The following VPS52 variants were observed in gnomAD, a reference collection of about 807,000 sequenced individuals.
The protein encoded by VPS52 is VPS52 subunit of GARP complex.
Under a neutral mutation model 98.7 loss-of-function variants are expected in VPS52, and 56 were observed. The ratio of observed to expected loss-of-function variants is 0.57; its 90% confidence interval spans 0.46 to 0.71. The LOEUF (loss-of-function observed/expected upper bound fraction) is 0.71. VPS52 is among the 30% of genes least tolerant of loss of function. The pLI is 0.00. For missense variants in VPS52, 742 were observed against 925.9 expected (o/e 0.80, Z 2.58); for synonymous variants, 348 against 346.4 (o/e 1.00, Z -0.05).
At chr6:33,264,312 C>G (rs1183256892) in intron 14 of VPS52, 62 bp downstream of exon 14, 2 of 1,596,618 alleles carry the variant, frequency 1.3e-6, no homozygotes, top group Non-Finnish European at 1.7e-6. Context: ...TTGGCCAACC[C>G]CCACAATGAT....
chr6:33,267,134 C>T lies in VPS52; in HGVS notation c.1125+54G>A. ...GCTCTGCCCTGAGGTCTGGCCTTCCCTCCCCACCGTGCTCAGAGCCTCTTT... is the reference window on the plus strand; with the variant it reads ...GCTCTGCCCTGAGGTCTGGCCTTCCTTCCCCACCGTGCTCAGAGCCTCTTT... On this transcript the variant is annotated intron_variant, in intron 11 of 19. Coordinates refer to ENST00000445902, the MANE Select transcript of VPS52 (RefSeq NM_022553.6). This position sits in a 1 kb window ranked among gnomAD's most constrained non-coding sequence, Gnocchi z 4.2. 3 of 1,451,730 alleles carry T rather than the reference C, an allele frequency of 2.1e-6. No homozygotes were observed. The highest frequency in any genetic ancestry group is 3.4e-5 in the South Asian group (2 of 59,692). The allele number at this position is 1,451,730 out of a possible 1,614,324, so 89.9% of individuals were successfully genotyped here.
chr6:33,257,218 A>G (rs1391070103), intron 17 of VPS52, among the ~76,000 whole-genome samples: 2 of 151,940 alleles, frequency 1.3e-5, no homozygotes. Flanking sequence ...AATTTTTTGT[A>G]GAGATGAGGT....
chr6:33,257,473 A>G (rs900288080), intron 17 of VPS52, among the ~76,000 whole-genome samples: 5 of 151,680 alleles, frequency 3.3e-5, no homozygotes, highest in Admixed American at 6.6e-5. Flanking sequence ...ATCTTGGCTC[A>G]CTGCATCCTC....
Position 33,271,826 on chromosome 6 carries a change from A to T in VPS52, c.-151T>A. 1 of 1,432,452 alleles carries T rather than the reference A, an allele frequency of 7.0e-7. No individual in the cohort carries two copies. Among genetic ancestry groups the T allele is most frequent in the South Asian group, 1.5e-5 (1 of 67,922 alleles). 88.7% of individuals were successfully genotyped at this position (1,432,452 alleles called of 1,614,324 possible). Reference sequence around the variant, plus strand: ...ACTCCAGCTGTCCCCTTTCAGCTCTAACCACTTCACCCAACTGCAAATGGA... The same window carrying T: ...ACTCCAGCTGTCCCCTTTCAGCTCTTACCACTTCACCCAACTGCAAATGGA... On this transcript the variant is annotated 5_prime_UTR_variant, in exon 1 of 20. Transcript: ENST00000445902.
At position 33,264,400 on chromosome 6, in the gene VPS52, C is replaced by A; in HGVS notation, c.1498G>T (p.Gly500Trp). The A allele has an allele frequency of 6.2e-7, 1 of 1,614,208 alleles. No individual in the cohort carries two copies. The highest frequency in any genetic ancestry group is 8.5e-7 in the Non-Finnish European group (1 of 1,180,032). The change falls in exon 14 of 20, where the codon GGG (glycine) becomes TGG (tryptophan). Residue 500 changes from glycine (G) to tryptophan (W), a missense_variant. Gly to Trp is a radical substitution (Grantham distance 184, BLOSUM62 -2). Around this residue, in one of 2 missense-constraint regions of VPS52, gnomAD observed 590 missense variants for 793.3 expected, o/e 0.74. Coordinates refer to ENST00000445902, the MANE Select transcript of VPS52 (RefSeq NM_022553.6). ...TAGTGGGGCCGAGTATCCAACCCCC[C>A]TAGGCGCTGGGGGTCAGTGCTTCGG... Reference protein sequence around the residue: ...SVRSTDPQRLGGLDTRPHYIT... With the variant: ...SVRSTDPQRLWGLDTRPHYIT...
Position 33,268,060 on chromosome 6 carries a change from C to T in VPS52, c.800+48G>A, listed in dbSNP as rs752087786. 1.2e-5 allele frequency: 19 copies of T among 1,612,804 alleles called. No homozygotes were observed. Among genetic ancestry groups the T allele is most frequent in the South Asian group, 9.9e-5 (9 of 91,078 alleles). On this transcript the variant is annotated intron_variant, in intron 8 of 19. Coordinates refer to ENST00000445902, the MANE Select transcript of VPS52 (RefSeq NM_022553.6). This position sits in a 1 kb window ranked among gnomAD's most constrained non-coding sequence, Gnocchi z 4.0. Reference sequence around the variant, plus strand: ...AAGAAACCAGATGCCCACACTAGGCCGCTCAAAAACTCAAAGGCCATCCCA... The same window carrying T: ...AAGAAACCAGATGCCCACACTAGGCTGCTCAAAAACTCAAAGGCCATCCCA...
intron 19 of VPS52, 58 bp downstream of exon 19, chr6:33,251,460 G>C: frequency 1.6e-6 from 2 of 1,224,540 alleles, no homozygotes; most frequent in Non-Finnish European, 2.4e-6. Context: ...CCAGCAAAAA[G>C]ATGGGGAAAA....
chr6:33,258,998 G>A (rs951748035), intron 17 of VPS52, among the ~76,000 whole-genome samples: 5 of 152,148 alleles, frequency 3.3e-5, no homozygotes, highest in African/African-American at 7.2e-5. Flanking sequence ...CCCCTGACCC[G>A]GCAACGGATG....
intron 1 of VPS52, 70 bp downstream of exon 1, chr6:33,271,516 A>C (rs1490566370): frequency 3.9e-6 from 6 of 1,551,622 alleles, no homozygotes; most frequent in Non-Finnish European, 5.2e-6. Flanking sequence ...CTTGTGCCTA[A>C]ACCCAGCTCA....
chr6:33,252,756 G>C (rs915188835), intron 17 of VPS52, among the ~76,000 whole-genome samples: 9 of 152,036 alleles, frequency 5.9e-5, no homozygotes, highest in African/African-American at 1.9e-4. Flanking sequence ...ACTGAAGAAA[G>C]GACTCAGAAT....
chr6:33,251,801 C>A, intron 18 of VPS52, 59 bp downstream of exon 18: 1 of 1,561,910 alleles, frequency 6.4e-7, no homozygotes. Context: ...TGCATCCTTT[C>A]ATTTTTCTTT....
intron 17 of VPS52, among the ~76,000 whole-genome samples, chr6:33,260,596 A>C (rs1188522917): frequency 6.6e-6 from 1 of 152,136 alleles, no homozygotes; most frequent in East Asian, 1.9e-4. Context: ...TAAATGTTGC[A>C]TTTATTGTGT....
intron 1 of VPS52, 55 bp from the exon 2 acceptor site, chr6:33,270,338 A>T (rs1764859801): frequency 6.1e-6 from 9 of 1,485,782 alleles, no homozygotes; most frequent in Non-Finnish European, 8.4e-6. Context: ...GAAAGAAAAA[A>T]TATAATTGGA....
At chr6:33,263,412 CACAGAG>C in intron 17 of VPS52, 66 bp downstream of exon 17, 13 of 1,261,062 alleles carry the variant, frequency 1.0e-5, no homozygotes, top group Non-Finnish European at 8.8e-6. Flanking sequence ...CACACACACA[CACAGAG>C]AGAGAGAGAG....
Position 33,270,002 on chromosome 6 carries a change from T to C in VPS52, c.225A>G (p.Lys75=), listed in dbSNP as rs144531067. ...TTAGTACAGGGGAAAGCCTCACCGT[T>C]TTAAGAGCTTCCTTTACTAACTCAT... ...LEDELVKEAL[K]TGVDLRHYSK... The change falls in exon 3 of 20, where the codon AAA becomes AAG. Residue 75 remains lysine, a synonymous_variant. Transcript: ENST00000445902. The C allele has an allele frequency of 1.9e-6, 3 of 1,614,032 alleles. No individual in the cohort carries two copies. Among genetic ancestry groups the C allele is most frequent in the Non-Finnish European group, 2.5e-6 (3 of 1,180,042 alleles).
At position 33,267,339 on chromosome 6, in the gene VPS52, C is replaced by A; in HGVS notation, c.992-18G>T. 6.4e-7 allele frequency: 1 copy of A among 1,556,002 alleles called. No homozygotes were observed. The highest frequency in any genetic ancestry group is 1.2e-5 in the South Asian group (1 of 81,444). On this transcript the variant is annotated intron_variant, in intron 10 of 19. Transcript: ENST00000445902. The surrounding 1 kb of genome is among the most constrained non-coding windows in gnomAD (Gnocchi z 4.2). ...GAAGAATCGTAAGATGGGTCAGAGT[C>A]AGGGAAAACAATGAGACCATAACTG...
chr6:33,271,128 A>G (rs1477496754), intron 1 of VPS52: 1 of 426,754 alleles, frequency 2.3e-6, no homozygotes, highest in Non-Finnish European at 4.2e-6. Context: ...CAAAACACAT[A>G]GTGTTTACCT....
At position 33,271,858 on chromosome 6, in the gene VPS52, G is replaced by C; in HGVS notation, c.-183C>G. The C allele has an allele frequency of 1.5e-6, 2 of 1,346,708 alleles. No individual in the cohort carries two copies. Among genetic ancestry groups the C allele is most frequent in the Non-Finnish European group, 2.0e-6 (2 of 1,015,002 alleles). 83.4% of individuals were successfully genotyped at this position (1,346,708 alleles called of 1,614,324 possible). ...TCACCCAACTGCAAATGGAAATATGGAAGTCTGAAACACAAACTAGCCCCG... is the reference window on the plus strand; with the variant it reads ...TCACCCAACTGCAAATGGAAATATGCAAGTCTGAAACACAAACTAGCCCCG... On this transcript the variant is annotated 5_prime_UTR_variant, in exon 1 of 20. Transcript: ENST00000445902.
At chr6:33,269,402 A>G in intron 5 of VPS52, 88 bp downstream of exon 5, 4 of 1,561,146 alleles carry the variant, frequency 2.6e-6, no homozygotes, top group Non-Finnish European at 3.5e-6. Context: ...ACCTGTCCCC[A>G]TCTTGAGGCT....
Sources: gnomAD v4.1 joint callset for allele counts (sites outside exome capture counted in the v4.1 genomes callset) on GRCh38, gnomAD v4.1.1 for gene constraint, gnomAD v4.1.1 regional missense constraint, Gnocchi (gnomAD v3.1) non-coding constraint, MANE v1.5 for transcripts, NCBI Gene and HGNC (gene_info 2026-07-23, HGNC 2026-07-21) for gene names.